The following OSBPL9 variants were observed in gnomAD, a reference collection of about 807,000 sequenced individuals.
OSBPL9 encodes oxysterol binding protein like 9, also known as oxysterol-binding protein-related protein 9.
In OSBPL9, 40 loss-of-function variants were observed where a neutral mutation model predicts 106.6. The ratio of observed to expected loss-of-function variants is 0.38; its 90% CI spans 0.29 to 0.49. The LOEUF is 0.49. Ranked by LOEUF, OSBPL9 falls within the 20% of genes least tolerant of loss-of-function variation. The pLI is 0.97. For missense variants in OSBPL9, 609 were observed against 887.2 expected (o/e 0.69, Z 3.98); for synonymous variants, 269 against 295.4 (o/e 0.91, Z 0.92).
intron 7 of OSBPL9, among the ~76,000 whole-genome samples, 183 bp from the exon 8 acceptor site, chr1:51,749,962 C>G (rs1026784396): frequency 2.6e-4 from 40 of 151,514 alleles, no homozygotes; most frequent in Non-Finnish European, 3.2e-4. Flanking sequence ...CATAGAACTG[C>G]TAATGAATAA....
the OSBPL9 span, among the ~76,000 whole-genome samples, chr1:51,520,158 A>G: frequency 6.6e-6 from 1 of 152,146 alleles, no homozygotes; most frequent in South Asian, 2.1e-4. Flanking sequence ...ACACCTATCT[A>G]TCCCTCTAGA....
chr1:51,586,650 T>G (rs1021641279), intron 1 of OSBPL9, among the ~76,000 whole-genome samples: 2 of 152,220 alleles, frequency 1.3e-5, no homozygotes, highest in Non-Finnish European at 2.9e-5. Flanking sequence ...ATACTGTGGC[T>G]TAGAAAGGCT....
intron 1 of OSBPL9, among the ~76,000 whole-genome samples, chr1:51,581,707 G>A (rs1645222468): frequency 6.6e-6 from 1 of 152,156 alleles, no homozygotes; most frequent in South Asian, 2.1e-4. Flanking sequence ...CCAGGCTGGA[G>A]TGCAGTGGCA....
At chr1:51,666,667 G>A (rs183819602) in intron 2 of OSBPL9, among the ~76,000 whole-genome samples, 49 of 152,318 alleles carry the variant, frequency 3.2e-4, no homozygotes, top group African/African-American at 1.2e-3. Flanking sequence ...ATTTTCATGA[G>A]TGAGGTATGT....
upstream of OSBPL9, among the ~76,000 whole-genome samples, chr1:51,616,000 T>C (rs1015932127): frequency 1.4e-5 from 2 of 144,522 alleles, no homozygotes; most frequent in African/African-American, 5.3e-5. Flanking sequence ...AATAAATCCT[T>C]TGGTTTTTTT....
At chr1:51,785,675 C>T in intron 20 of OSBPL9, 133 bp from the exon 21 acceptor site, 1 of 690,994 alleles carries the variant, frequency 1.4e-6, no homozygotes, top group South Asian at 1.8e-5. Flanking sequence ...GAGTCCAGTT[C>T]TGTTAAGATG....
At chr1:51,684,524 A>G (rs906286294) in intron 3 of OSBPL9, among the ~76,000 whole-genome samples, 17 of 152,142 alleles carry the variant, frequency 1.1e-4, no homozygotes, top group African/African-American at 4.1e-4. Context: ...ATTAAGAAAA[A>G]AAGTTTATTT....
the OSBPL9 span, among the ~76,000 whole-genome samples, chr1:51,557,207 A>G: frequency 2.0e-5 from 3 of 152,168 alleles, no homozygotes; most frequent in South Asian, 6.2e-4. Context: ...TTTGGCTTAC[A>G]TTACCCAACC....
At chr1:51,648,434 T>C (rs1462187427) in intron 1 of OSBPL9, among the ~76,000 whole-genome samples, 1 of 152,150 alleles carries the variant, frequency 6.6e-6, no homozygotes, top group Non-Finnish European at 1.5e-5. Flanking sequence ...AGGAGGGAGC[T>C]CTTCCCTTTG....
At chr1:51,617,015 G>T, upstream of OSBPL9, 2 of 1,487,814 alleles carry the variant, frequency 1.3e-6, no homozygotes, top group Non-Finnish European at 9.0e-7. Flanking sequence ...GACCCGCCCA[G>T]GACCCGCCCC....
At chr1:51,765,025 A>G (rs1237736271) in intron 11 of OSBPL9, among the ~76,000 whole-genome samples, 1 of 152,188 alleles carries the variant, frequency 6.6e-6, no homozygotes, top group Non-Finnish European at 1.5e-5. Flanking sequence ...CAGCCCTTAA[A>G]TGCTCAGTAA....
At position 51,771,451 on chromosome 1, in the gene OSBPL9, G is replaced by T. The variant is rs75757241; in HGVS notation, c.939-619G>T. Among the ~76,000 whole-genome samples, 101 of 152,186 alleles carry T rather than the reference G, an allele frequency of 6.6e-4. No homozygotes were observed. The East Asian group carries it at 0.011, about 16-fold the overall frequency. On this transcript the variant is annotated intron_variant, in intron 12 of 23. Transcript: ENST00000428468. ...TCGAGTCCATCCTGGGCAACATAAG[G>T]AGACCTTGTCTCTTAAGAAAAATAT...
At chr1:51,570,018 TTGTC>T in the OSBPL9 span, among the ~76,000 whole-genome samples, 1 of 152,204 alleles carries the variant, frequency 6.6e-6, no homozygotes, top group Admixed American at 6.5e-5. Flanking sequence ...TAAGCCACGT[TTGTC>T]TGATTCTTTC....
chr1:51,587,108 G>A (rs537498973), intron 1 of OSBPL9, among the ~76,000 whole-genome samples: 1 of 152,322 alleles, frequency 6.6e-6, no homozygotes, highest in Admixed American at 6.5e-5. Flanking sequence ...CCTCATGCCT[G>A]TAATCCCAGC....
the OSBPL9 span, among the ~76,000 whole-genome samples, chr1:51,528,440 A>T: frequency 2.0e-5 from 3 of 151,974 alleles, no homozygotes; most frequent in African/African-American, 7.3e-5. Flanking sequence ...GCGACCTGGG[A>T]GGCTGAGGCA....
intron 1 of OSBPL9, among the ~76,000 whole-genome samples, chr1:51,622,230 G>T (rs1188274443): frequency 6.6e-6 from 1 of 152,184 alleles, no homozygotes; most frequent in Non-Finnish European, 1.5e-5. Flanking sequence ...TTGACATAAA[G>T]ATGTGTTACA....
chr1:51,760,758 T>G lies in OSBPL9; in HGVS notation c.651T>G (p.Pro217=). 6.2e-7 allele frequency: 1 copy of G among 1,613,894 alleles called. No homozygotes were observed. The highest frequency in any genetic ancestry group is 8.5e-7 in the Non-Finnish European group (1 of 1,179,858). ...SPLEPVISTM[P]SQTVLPPEPV... ...TGGAACCTGTGATCAGCACAATGCC[T>G]TCCCAGACTGTGTTACCTCCAGGTA... Residue 217 remains proline, a synonymous_variant, in exon 10 of 24, where the codon CCT becomes CCG. Coordinates refer to ENST00000428468, the MANE Select transcript of OSBPL9 (RefSeq NM_024586.6).
In OSBPL9 at chr1:51,765,644, C is replaced by A. The variant is rs1672397557; in HGVS notation, c.779-178C>A. ...AAAAGGCTGTGTCCTCATTTTATAT[C>A]ATGATTTGCCATTTTCTGTGTGGAG... On this transcript the variant is annotated intron_variant, in intron 11 of 23. Coordinates refer to ENST00000428468, the MANE Select transcript of OSBPL9 (RefSeq NM_024586.6). 6.1e-6 allele frequency: 3 copies of A among 492,958 alleles called. No individual in the cohort carries two copies. In the South Asian group the frequency reaches 1.1e-4, roughly 19 times the overall value. 30.5% of individuals were successfully genotyped at this position (492,958 alleles called of 1,614,324 possible). A position where few individuals can be genotyped will look rare whatever the true frequency, so the allele number is the denominator to read the frequency against.
At chr1:51,545,947 A>G in the OSBPL9 span, among the ~76,000 whole-genome samples, 1 of 152,256 alleles carries the variant, frequency 6.6e-6, no homozygotes, top group African/African-American at 2.4e-5. Context: ...GTGAAAAACT[A>G]ACAAAGAAAA....
Sources: gnomAD v4.1 joint callset for allele counts (sites outside exome capture counted in the v4.1 genomes callset) on GRCh38, gnomAD v4.1.1 for gene constraint, MANE v1.5 for transcripts, NCBI Gene and HGNC (gene_info 2026-07-23, HGNC 2026-07-21) for gene names.